DDO: variants seen among roughly 807,000 people sequenced by gnomAD.
DDO encodes D-aspartate oxidase.
DDO carries 16 observed loss-of-function variants against 16.8 expected under a neutral mutation model. The observed-to-expected ratio is 0.95, with a 90% CI of 0.65 to 1.45. DDO has a LOEUF of 1.45. Among genes scored for constraint, DDO ranks in the 40% most tolerant of loss-of-function variants. The pLI is 0.00. For missense variants in DDO, 429 were observed against 420.3 expected (o/e 1.02, Z -0.18); for synonymous variants, 180 against 167.2 (o/e 1.08, Z -0.59).
chr6:110,406,740 G>A (rs138164366), intron 3 of DDO, among the ~76,000 whole-genome samples: 404 of 115,136 alleles, frequency 3.5e-3, no homozygotes, highest in Admixed American at 6.4e-3. Context: ...ACCCTGCCCC[G>A]CCCCCACTTC....
chr6:110,415,529 G>A lies in DDO; in HGVS notation c.-67C>T. The A allele has an allele frequency of 1.2e-6, 2 of 1,614,226 alleles. No individual in the cohort carries two copies. Among genetic ancestry groups the A allele is most frequent in the Non-Finnish European group, 1.7e-6 (2 of 1,180,038 alleles). ...CTCTGGCACCAAACCTTGTTTCCCA[G>A]TGCCTGGCTGGTCTCATGCCCTGAG... On this transcript the variant is annotated 5_prime_UTR_variant, in exon 1 of 5. Coordinates refer to ENST00000368924, the MANE Select transcript of DDO (RefSeq NM_001372108.2).
At chr6:110,398,163 C>A (rs1172178697) in intron 4 of DDO, among the ~76,000 whole-genome samples, 1 of 152,070 alleles carries the variant, frequency 6.6e-6, no homozygotes, top group Non-Finnish European at 1.5e-5. Flanking sequence ...CACGAAATAG[C>A]CCCAGCATCC....
chr6:110,413,894 C>G (rs1773950805), intron 1 of DDO, among the ~76,000 whole-genome samples: 1 of 152,170 alleles, frequency 6.6e-6, no homozygotes, highest in Admixed American at 6.5e-5. Context: ...CTGCCTTAGC[C>G]TCCTGAGTAA....
intron 1 of DDO, among the ~76,000 whole-genome samples, chr6:110,413,777 C>CT (rs990038192): frequency 4.6e-5 from 7 of 151,948 alleles, no homozygotes; most frequent in African/African-American, 9.7e-5. Context: ...TCACCCTTCC[C>CT]TTTTTTTTCC....
At chr6:110,403,605 T>C (rs1773553806) in intron 4 of DDO, among the ~76,000 whole-genome samples, 1 of 152,182 alleles carries the variant, frequency 6.6e-6, no homozygotes, top group Non-Finnish European at 1.5e-5. Flanking sequence ...AAATGTCCCA[T>C]ATAAATTGCT....
At position 110,408,430 on chromosome 6, in the gene DDO, T is replaced by C; in HGVS notation, c.185A>G (p.His62Arg). 4 of 1,614,068 alleles carry C rather than the reference T, an allele frequency of 2.5e-6. No individual in the cohort carries two copies. The highest frequency in any genetic ancestry group is 3.4e-6 in the Non-Finnish European group (4 of 1,180,012). ...IPHTYPDTPI[H>R]TQKQWFRETF... ...TTCTCTGAACCACTGCTTCTGCGTGTGAATGGGTGTATCTGTAATCATGGA... is the reference window on the plus strand; with the variant it reads ...TTCTCTGAACCACTGCTTCTGCGTGCGAATGGGTGTATCTGTAATCATGGA... The change falls in exon 3 of 5, where the codon CAC (histidine) becomes CGC (arginine). Residue 62 changes from histidine to arginine, a missense_variant. Physicochemically the swap from His to Arg is conservative, Grantham distance 29. Coordinates refer to ENST00000368924, the MANE Select transcript of DDO (RefSeq NM_001372108.2).
intron 4 of DDO, among the ~76,000 whole-genome samples, chr6:110,403,210 AATTTT>A (rs1235106446): frequency 6.6e-6 from 1 of 151,400 alleles, no homozygotes; most frequent in African/African-American, 2.4e-5. Flanking sequence ...CACTTACCTA[AATTTT>A]ATTTTATTTT....
chr6:110,390,822 T>C (rs1464516255), downstream of DDO, among the ~76,000 whole-genome samples: 1 of 152,262 alleles, frequency 6.6e-6, no homozygotes, highest in Non-Finnish European at 1.5e-5. Flanking sequence ...AGATTATGTA[T>C]GATGCATATG....
At position 110,392,871 on chromosome 6, in the gene DDO, G is replaced by A. The variant is rs764208226; in HGVS notation, c.930C>T (p.Gly310=). The change falls in exon 5 of 5, where the codon GGC becomes GGT. Residue 310 remains glycine (G), a synonymous_variant. Coordinates refer to ENST00000368924, the MANE Select transcript of DDO (RefSeq NM_001372108.2). The part of the protein sequence containing the change: ...VVHHYGHGSG[G]ISVHWGTALE... The stretch of plus-strand genomic sequence containing the variant: ...GAGCAGTGCCCCAGTGCACTGAGAT[G>A]CCCCCACTCCCATGGCCATAGTGGT... The A allele has an allele frequency of 8.7e-6, 14 of 1,614,120 alleles. No individual in the cohort carries two copies. The highest frequency in any genetic ancestry group is 1.1e-5 in the Non-Finnish European group (13 of 1,180,018).
chr6:110,403,099 CAT>C (rs1471770807), intron 4 of DDO, among the ~76,000 whole-genome samples: 1 of 152,124 alleles, frequency 6.6e-6, no homozygotes, highest in Non-Finnish European at 1.5e-5. Context: ...ATATTTTGTA[CAT>C]GTTCTTCCAT....
At chr6:110,409,777 C>T (rs924257037) in intron 2 of DDO, among the ~76,000 whole-genome samples, 7 of 152,276 alleles carry the variant, frequency 4.6e-5, no homozygotes, top group Admixed American at 2.0e-4. Context: ...CAATCTATGC[C>T]ACTGTGTGAG....
chr6:110,398,783 G>A (rs533775291), intron 4 of DDO, among the ~76,000 whole-genome samples: 2 of 152,276 alleles, frequency 1.3e-5, no homozygotes, highest in East Asian at 3.9e-4. Context: ...TTACAGAGAG[G>A]CCTAATCAGA....
At chr6:110,400,567 C>A (rs1403345064) in intron 4 of DDO, among the ~76,000 whole-genome samples, 2 of 152,232 alleles carry the variant, frequency 1.3e-5, no homozygotes, top group Non-Finnish European at 2.9e-5. Context: ...CCCCTCCCTG[C>A]CCCATCAGAA....
chr6:110,399,458 A>C (rs1773399630), intron 4 of DDO, among the ~76,000 whole-genome samples: 1 of 152,244 alleles, frequency 6.6e-6, no homozygotes, highest in Admixed American at 6.5e-5. Context: ...GTGGCGTCCC[A>C]TGTGGGTCGC....
Position 110,394,706 on chromosome 6 carries a change from T to A in DDO, c.459-1364A>T, listed in dbSNP as rs118049148. ...TGGTGTGAAATCAGAAAGCCTGGCT[T>A]TATATCCCAGCTCTGCCTCACATTA... On this transcript the variant is annotated intron_variant, in intron 4 of 4. Coordinates refer to ENST00000368924, the MANE Select transcript of DDO (RefSeq NM_001372108.2). Among the ~76,000 whole-genome samples, 27 of 152,304 alleles carry A rather than the reference T, an allele frequency of 1.8e-4. No individual in the cohort carries two copies. In the East Asian group the frequency reaches 4.6e-3, roughly 26 times the overall value.
At chr6:110,389,211 T>C (rs1417405502), downstream of DDO, among the ~76,000 whole-genome samples, 1 of 152,218 alleles carries the variant, frequency 6.6e-6, no homozygotes, top group East Asian at 1.9e-4. Context: ...CTCCTGTCCC[T>C]GGATTTCAGC....
At chr6:110,401,771 A>C (rs1388484392) in intron 4 of DDO, among the ~76,000 whole-genome samples, 1 of 152,376 alleles carries the variant, frequency 6.6e-6, no homozygotes, top group Non-Finnish European at 1.5e-5. Context: ...CGTAGGTGAA[A>C]GTACTACTTT....
At position 110,393,118 on chromosome 6, in the gene DDO, G is replaced by A. The variant is rs1284760278; in HGVS notation, c.683C>T (p.Thr228Ile). 1 of 1,613,896 alleles carries A rather than the reference G, an allele frequency of 6.2e-7. No individual in the cohort carries two copies. Among genetic ancestry groups the A allele is most frequent in the African/African-American group, 1.3e-5 (1 of 74,934 alleles). ...GSGLTYIYPG[T>I]SHVTLGGTRQ... is the part of the protein sequence containing the mutation. ...AGTTCCACCTAGGGTTACATGGGAT[G>A]TACCAGGATAAATATATGTCAGCCC... Residue 228 changes from threonine (T) to isoleucine (I), a missense_variant, in exon 5 of 5, where the codon ACA (threonine) becomes ATA (isoleucine). Coordinates refer to ENST00000368924, the MANE Select transcript of DDO (RefSeq NM_001372108.2).
intron 4 of DDO, among the ~76,000 whole-genome samples, chr6:110,396,107 G>A (rs749546216): frequency 6.6e-6 from 1 of 152,186 alleles, no homozygotes; most frequent in Non-Finnish European, 1.5e-5. Context: ...CTACTCAATG[G>A]CATCTTAGAC....
Sources: gnomAD v4.1 joint callset for allele counts (sites outside exome capture counted in the v4.1 genomes callset) on GRCh38, gnomAD v4.1.1 for gene constraint, MANE v1.5 for transcripts, NCBI Gene and HGNC (gene_info 2026-07-23, HGNC 2026-07-21) for gene names.